LANCL3: variants seen among roughly 807,000 people sequenced by gnomAD.
LANCL3 encodes LanC like family member 3.
LANCL3 carries 19 observed loss-of-function variants against 26.5 expected under a neutral mutation model. The ratio of observed to expected loss-of-function variants is 0.72; its 90% CI spans 0.50 to 1.05. LANCL3 has a LOEUF of 1.05. Among genes scored for constraint, LANCL3 ranks in the 50% least tolerant of loss-of-function variants. LANCL3 has a pLI of 0.00. For missense variants in LANCL3, 318 were observed against 362.7 expected (o/e 0.88, Z 1.00); for synonymous variants, 160 against 166.6 (o/e 0.96, Z 0.30).
In LANCL3 at chrX:37,682,675, T is replaced by G. The variant is rs1264510726; in HGVS notation, c.*6862T>G. 8.9e-6 allele frequency: 1 copy of G among 112,582 alleles called. No individual in the cohort carries two copies. Among genetic ancestry groups the G allele is most frequent in the Non-Finnish European group, 1.9e-5 (1 of 53,349 alleles). The allele number at this position is 112,582 out of a possible 1,213,427, so 9.3% of individuals were successfully genotyped here. ...GATATATTCAAACATGTGGATTGAT[T>G]TAGATCATCCGTTTTGTCTTTGTTT... On this transcript the variant is annotated 3_prime_UTR_variant, in exon 5 of 5. Coordinates refer to ENST00000378619, the MANE Select transcript of LANCL3 (RefSeq NM_001170331.2).
At chrX:37,635,979 G>A (rs1229865387) in intron 1 of LANCL3, among the ~76,000 whole-genome samples, 1 of 106,186 alleles carries the variant, frequency 9.4e-6, no homozygotes, top group East Asian at 3.0e-4. Flanking sequence ...CCTCAAGTAG[G>A]CCCCAGTGTC....
intron 1 of LANCL3, among the ~76,000 whole-genome samples, chrX:37,612,625 A>G (rs1433691109): frequency 1.8e-5 from 2 of 112,425 alleles, no homozygotes; most frequent in Non-Finnish European, 3.8e-5. Context: ...TATTATAACA[A>G]TATTTTTGGA....
At chrX:37,609,941 A>T (rs1924822733) in intron 1 of LANCL3, among the ~76,000 whole-genome samples, 2 of 112,284 alleles carry the variant, frequency 1.8e-5, no homozygotes, top group African/African-American at 3.2e-5. Context: ...GCTTTCCATT[A>T]TTGGGAAACC....
intron 1 of LANCL3, among the ~76,000 whole-genome samples, chrX:37,649,462 G>T (rs1258499401): frequency 1.8e-5 from 2 of 110,868 alleles, no homozygotes; most frequent in Middle Eastern, 9.3e-3. Flanking sequence ...TGGGGGATGG[G>T]GGGCATGGGG....
At chrX:37,643,861 G>A (rs782018809) in intron 1 of LANCL3, among the ~76,000 whole-genome samples, 21 of 111,627 alleles carry the variant, frequency 1.9e-4, no homozygotes, top group African/African-American at 6.2e-4. Flanking sequence ...ATAGCTTGCA[G>A]GCATTGTGCA....
intron 1 of LANCL3, among the ~76,000 whole-genome samples, chrX:37,650,942 A>G (rs1239280092): frequency 1.0e-4 from 9 of 88,095 alleles, no homozygotes; most frequent in Non-Finnish European, 4.2e-5. Flanking sequence ...AGGTGTTCTC[A>G]TTGTTCAATT....
At chrX:37,664,512 T>TA (rs1569470162) in intron 3 of LANCL3, among the ~76,000 whole-genome samples, 1 of 111,952 alleles carries the variant, frequency 8.9e-6, no homozygotes, top group Admixed American at 9.4e-5. Flanking sequence ...TTCTTTTTTT[T>TA]ATTGAGGTGA....
At position 37,676,164 on chromosome X, in the gene LANCL3, C is replaced by A. The variant is rs1341093254; in HGVS notation, c.*351C>A. On this transcript the variant is annotated 3_prime_UTR_variant, in exon 5 of 5. Transcript: ENST00000378619. ...AAAAATACACTAATACCTTTGCAAT[C>A]TGAATGAGAATTTGACCATTTGTGT... The A allele has an allele frequency of 1.6e-5, 2 of 122,895 alleles. No homozygotes were observed. Among genetic ancestry groups the A allele is most frequent in the Non-Finnish European group, 3.3e-5 (2 of 60,692 alleles). The allele number at this position is 122,895 out of a possible 1,213,427, so 10.1% of individuals were successfully genotyped here.
chrX:37,613,791 T>A (rs782515456), intron 1 of LANCL3, among the ~76,000 whole-genome samples: 2 of 112,591 alleles, frequency 1.8e-5, no homozygotes, highest in Non-Finnish European at 3.8e-5. Flanking sequence ...GTGTTGTTTC[T>A]AGGTTTTGGT....
intron 3 of LANCL3, among the ~76,000 whole-genome samples, chrX:37,662,469 T>C (rs1365012611): frequency 1.8e-5 from 2 of 111,664 alleles, no homozygotes; most frequent in Non-Finnish European, 3.8e-5. Flanking sequence ...AACAAGGCTT[T>C]TGCAGTGCAG....
intron 1 of LANCL3, among the ~76,000 whole-genome samples, chrX:37,621,608 A>G (rs887639156): frequency 8.9e-6 from 1 of 112,724 alleles, no homozygotes; most frequent in Non-Finnish European, 1.9e-5. Context: ...TGCTATTTCA[A>G]TGAAATGATT....
chrX:37,588,263 G>A (rs1393174935), intron 1 of LANCL3, among the ~76,000 whole-genome samples: 3 of 111,459 alleles, frequency 2.7e-5, no homozygotes, highest in Non-Finnish European at 3.8e-5. Flanking sequence ...GTGACAGGGC[G>A]GTCCTGTAGT....
chrX:37,675,889 C>A lies in LANCL3; in HGVS notation c.*76C>A, dbSNP rs1926790881. 4.9e-6 allele frequency: 4 copies of A among 811,220 alleles called. No homozygotes were observed. Among genetic ancestry groups the A allele is most frequent in the Non-Finnish European group, 6.5e-6 (4 of 614,456 alleles). 66.9% of individuals were successfully genotyped at this position (811,220 alleles called of 1,213,427 possible). On this transcript the variant is annotated 3_prime_UTR_variant, in exon 5 of 5. Coordinates refer to ENST00000378619, the MANE Select transcript of LANCL3 (RefSeq NM_001170331.2). The stretch of plus-strand genomic sequence containing the variant: ...AGGCAGTTTCCACATAAGCCACATT[C>A]AATGGTATCGCAACCATGAGCCTTA...
intron 1 of LANCL3, among the ~76,000 whole-genome samples, chrX:37,631,702 G>A (rs1405288086): frequency 9.0e-6 from 1 of 111,332 alleles, no homozygotes; most frequent in Non-Finnish European, 1.9e-5. Context: ...CCTTCATTTT[G>A]TTATGTACCC....
rs1271142814 is a variant in LANCL3, at chrX:37,585,280, G to C, written c.573+12837G>C. ...AAAAGAATGTCTATTCTGTTGATTTGGGGTGGAGAGTTCTGTAGATGTCTA... is the reference window on the plus strand; with the variant it reads ...AAAAGAATGTCTATTCTGTTGATTTCGGGTGGAGAGTTCTGTAGATGTCTA... On this transcript the variant is annotated intron_variant, in intron 1 of 4. Transcript: ENST00000378619. 2.7e-5 allele frequency among the ~76,000 whole-genome samples: 3 copies of C among 111,807 alleles called. No individual in the cohort carries two copies. The East Asian group carries it at 8.4e-4, about 31-fold the overall frequency.
chrX:37,575,823 C>T (rs1321513943), intron 1 of LANCL3, among the ~76,000 whole-genome samples: 1 of 111,878 alleles, frequency 8.9e-6, no homozygotes, highest in Non-Finnish European at 1.9e-5. Context: ...AGACGCCATT[C>T]TATGAAGCTT....
rs1926967651 is a variant in LANCL3, at chrX:37,682,662, C to T, written c.*6849C>T. On this transcript the variant is annotated 3_prime_UTR_variant, in exon 5 of 5. Coordinates refer to ENST00000378619, the MANE Select transcript of LANCL3 (RefSeq NM_001170331.2). ...ACCCTTATATGTGGATATATTCAAA[C>T]ATGTGGATTGATTTAGATCATCCGT... 1 of 112,191 alleles carries T rather than the reference C, an allele frequency of 8.9e-6. No homozygotes were observed. The highest frequency in any genetic ancestry group is 3.2e-5 in the African/African-American group (1 of 30,823). 9.2% of individuals were successfully genotyped at this position (112,191 alleles called of 1,213,427 possible). A position where few individuals can be genotyped will look rare whatever the true frequency, so the allele number is the denominator to read the frequency against.
chrX:37,582,412 G>A (rs1923925300), intron 1 of LANCL3, among the ~76,000 whole-genome samples: 1 of 111,851 alleles, frequency 8.9e-6, no homozygotes, highest in Non-Finnish European at 1.9e-5. Context: ...GTGTAAAAGT[G>A]TTCCTGTTTC....
At chrX:37,672,373 G>A (rs1389276019) in intron 4 of LANCL3, among the ~76,000 whole-genome samples, 2 of 111,803 alleles carry the variant, frequency 1.8e-5, no homozygotes, top group Non-Finnish European at 3.8e-5. Context: ...GTATTGTTTG[G>A]GCATTGTGTG....
Sources: allele counts gnomAD v4.1 joint callset (sites outside exome capture counted in the v4.1 genomes callset), GRCh38; gene constraint gnomAD v4.1.1; transcripts MANE v1.5; gene names NCBI Gene and HGNC (gene_info 2026-07-23, HGNC 2026-07-21).